KATNBL1: variants seen among roughly 807,000 people sequenced by gnomAD.
KATNBL1 encodes the protein katanin regulatory subunit B1 like 1.
A neutral mutation model predicts 44.7 loss-of-function variants in KATNBL1; 28 were observed. The ratio of observed to expected loss-of-function variants is 0.63; its 90% CI spans 0.46 to 0.86. The LOEUF (loss-of-function observed/expected upper bound fraction) is 0.86, where lower values mean the gene tolerates loss of function less well. Among genes scored for constraint, KATNBL1 ranks in the 40% least tolerant of loss-of-function variants. The pLI is 0.00. For synonymous variants in KATNBL1, 78 were observed against 114.9 expected, an observed-to-expected ratio of 0.68 and a Z score of 2.06; for missense variants, 272 against 350.7, an observed-to-expected ratio of 0.78 and a Z score of 1.79.
At chr15:34,173,155 A>G (rs1263357702) in intron 1 of KATNBL1, among the ~76,000 whole-genome samples, 2 of 152,060 alleles carry the variant, frequency 1.3e-5, no homozygotes, top group Non-Finnish European at 2.9e-5. Flanking sequence ...CCAACATCCA[A>G]ATAAAAAGAA....
chr15:34,177,790 A>G (rs144834431), intron 1 of KATNBL1: 75 of 152,282 alleles, frequency 4.9e-4, no homozygotes, highest in African/African-American at 1.7e-3. Flanking sequence ...TTCTTTTTCC[A>G]TTAATATACT....
chr15:34,188,587 T>C (rs145862697), intron 1 of KATNBL1, among the ~76,000 whole-genome samples: 32 of 152,182 alleles, frequency 2.1e-4, no homozygotes, highest in Non-Finnish European at 2.2e-4. Flanking sequence ...TTTTCCAGAC[T>C]CTGAAAAACA....
intron 2 of KATNBL1, among the ~76,000 whole-genome samples, chr15:34,158,960 G>A (rs1888717346): frequency 1.3e-5 from 2 of 152,140 alleles, no homozygotes; most frequent in Non-Finnish European, 2.9e-5. Context: ...TTTAAATTTG[G>A]ATTCTCAGTC....
At chr15:34,168,655 C>T (rs545454707) in intron 1 of KATNBL1, among the ~76,000 whole-genome samples, 19 of 152,290 alleles carry the variant, frequency 1.2e-4, no homozygotes, top group African/African-American at 4.3e-4. Flanking sequence ...AGCACCACAT[C>T]GCACTTATTC....
chr15:34,195,690 C>CAAAAAAAAAAAAAAAAAA (rs5811824), intron 1 of KATNBL1, among the ~76,000 whole-genome samples: 6 of 111,434 alleles, frequency 5.4e-5, no homozygotes, highest in African/African-American at 2.2e-4. Context: ...GACGCCATCT[C>CAAAAAAAAAAAAAAAAAA]AAAAAAAAAA....
At chr15:34,191,076 G>T (rs1889857467) in intron 1 of KATNBL1, among the ~76,000 whole-genome samples, 1 of 150,698 alleles carries the variant, frequency 6.6e-6, no homozygotes, top group African/African-American at 2.4e-5. Context: ...AACTTAAAAT[G>T]TATATCCTCC....
chr15:34,142,920 C>T (rs757255752), intron 9 of KATNBL1: 5 of 407,752 alleles, frequency 1.2e-5, no homozygotes, highest in East Asian at 1.0e-4. Context: ...CCATGTTGGC[C>T]GGGATGGTCT....
intron 1 of KATNBL1, among the ~76,000 whole-genome samples, chr15:34,166,665 A>C (rs986216279): frequency 2.6e-5 from 4 of 152,216 alleles, no homozygotes; most frequent in Admixed American, 2.0e-4. Flanking sequence ...GTGTAGCCTA[A>C]CTGGGAGACA....
intron 7 of KATNBL1, 82 bp downstream of exon 7, chr15:34,147,118 C>A: frequency 1.2e-6 from 1 of 805,334 alleles, no homozygotes; most frequent in Non-Finnish European, 2.1e-6. Context: ...TCTCATGGAG[C>A]CCAATCTACT....
intron 1 of KATNBL1, among the ~76,000 whole-genome samples, chr15:34,168,208 G>A (rs1889044959): frequency 6.6e-6 from 1 of 152,044 alleles, no homozygotes; most frequent in African/African-American, 2.4e-5. Flanking sequence ...CACGTGCAAA[G>A]ATACACACAG....
chr15:34,206,357 T>C (rs556412288), intron 1 of KATNBL1, among the ~76,000 whole-genome samples: 357 of 152,328 alleles, frequency 2.3e-3, no homozygotes, highest in Non-Finnish European at 3.9e-3. Flanking sequence ...TTTTCTCTCA[T>C]TTCTACCCTC....
chr15:34,141,637 T>G lies in KATNBL1; in HGVS notation c.*702A>C, dbSNP rs529865010. 9.2e-5 allele frequency: 14 copies of G among 152,706 alleles called. 1 individual carries two copies. Among genetic ancestry groups the G allele is most frequent in the Middle Eastern group, 3.4e-3 (1 of 292 alleles). The allele number at this position is 152,706 out of a possible 1,614,324, so 9.5% of individuals were successfully genotyped here. ...GAGATACTAAAACTATTCTCAAGTT[T>G]TAAAAATGGTGCAGAGAGTGTTTCA... On this transcript the variant is annotated 3_prime_UTR_variant, in exon 10 of 10. Transcript: ENST00000256544.
chr15:34,190,235 C>G (rs774064250), intron 1 of KATNBL1, among the ~76,000 whole-genome samples: 1 of 152,082 alleles, frequency 6.6e-6, no homozygotes, highest in Non-Finnish European at 1.5e-5. Flanking sequence ...TGAGCCACCG[C>G]GCCCGGCCTG....
intron 3 of KATNBL1, among the ~76,000 whole-genome samples, chr15:34,153,557 ATAAT>A (rs1415201394): frequency 6.6e-6 from 1 of 152,192 alleles, no homozygotes; most frequent in African/African-American, 2.4e-5. Flanking sequence ...TCTCTTAAAA[ATAAT>A]TAATGACTCA....
chr15:34,147,446 G>T lies in KATNBL1; in HGVS notation c.558-16C>A. The T allele has an allele frequency of 6.2e-7, 1 of 1,603,104 alleles. No homozygotes were observed. The highest frequency in any genetic ancestry group is 8.5e-7 in the Non-Finnish European group (1 of 1,170,552). On this transcript the variant is annotated splice_polypyrimidine_tract_variant and intron_variant, in intron 5 of 9. Coordinates refer to ENST00000256544, the MANE Select transcript of KATNBL1 (RefSeq NM_024713.3). ...ATCTTCTATCCTGAGAGTATAAAAA[G>T]AATAGCATTGCCTTAGAGAGCTGAT...
At chr15:34,182,582 A>G (rs181220177) in intron 1 of KATNBL1, among the ~76,000 whole-genome samples, 1 of 152,258 alleles carries the variant, frequency 6.6e-6, no homozygotes, top group Admixed American at 6.5e-5. Context: ...ATATTGGGAT[A>G]TATGTTCACC....
At chr15:34,203,645 G>A (rs1890222745) in intron 1 of KATNBL1, among the ~76,000 whole-genome samples, 2 of 152,172 alleles carry the variant, frequency 1.3e-5, no homozygotes, top group Non-Finnish European at 2.9e-5. Context: ...ATGAGAGCAG[G>A]AACCATGTTC....
chr15:34,163,605 A>C lies in KATNBL1; in HGVS notation c.72T>G (p.Leu24=), dbSNP rs367792067. The C allele has an allele frequency of 1.1e-5, 18 of 1,598,514 alleles. No individual in the cohort carries two copies. The highest frequency in any genetic ancestry group is 2.7e-5 in the African/African-American group (2 of 73,932). ...CNKIEDHFID[L]PRKKISNFTN... ...TGAAATTAGAGATCTTTTTTCTAGG[A>C]AGATCAATGAAATGATCCTCAATCT... The change falls in exon 2 of 10, where the codon CTT becomes CTG. Residue 24 remains leucine, a synonymous_variant. Coordinates refer to ENST00000256544, the MANE Select transcript of KATNBL1 (RefSeq NM_024713.3).
chr15:34,153,121 TA>T (rs775072006), intron 3 of KATNBL1, 52 bp from the exon 4 acceptor site: 2 of 1,324,422 alleles, frequency 1.5e-6, no homozygotes, highest in African/African-American at 1.5e-5. Context: ...TGAAATCCTT[TA>T]AAAGTTTTTA....
Sources: allele counts gnomAD v4.1 joint callset (sites outside exome capture counted in the v4.1 genomes callset), GRCh38; gene constraint gnomAD v4.1.1; transcripts MANE v1.5; gene names NCBI Gene and HGNC (gene_info 2026-07-23, HGNC 2026-07-21).